KDM2B: variants seen among roughly 807,000 people sequenced by gnomAD.
KDM2B encodes lysine-specific demethylase 2B.
In KDM2B, 26 loss-of-function variants were observed where a neutral mutation model predicts 150.0. That is an observed-to-expected ratio of 0.17 (90% confidence interval 0.13 to 0.24). The LOEUF is 0.24. Among genes scored for constraint, KDM2B ranks in the 10% least tolerant of loss-of-function variants. KDM2B has a pLI of 1.00. For missense variants in KDM2B, 1,265 were observed against 1,816.9 expected (o/e 0.70, Z 5.52); for synonymous variants, 734 against 729.5 (o/e 1.01, Z -0.10).
Position 121,533,518 on chromosome 12 carries a change from G to T in KDM2B, c.778-559C>A, listed in dbSNP as rs567260905. Among the ~76,000 whole-genome samples, 9 of 152,142 alleles carry T rather than the reference G, an allele frequency of 5.9e-5. No homozygotes were observed. Among genetic ancestry groups the T allele is most frequent in the Non-Finnish European group, 8.8e-5 (6 of 68,028 alleles). ...GACACCCACATCCCCACGTGGACACGCAACAAAAGCAGACACAGGGAGCAC... is the reference window on the plus strand; with the variant it reads ...GACACCCACATCCCCACGTGGACACTCAACAAAAGCAGACACAGGGAGCAC... On this transcript the variant is annotated intron_variant, in intron 7 of 22. Coordinates refer to ENST00000377071, the MANE Select transcript of KDM2B (RefSeq NM_032590.5). The surrounding 1 kb of genome is among the most constrained non-coding windows in gnomAD (Gnocchi z 4.1).
At chr12:121,507,685 T>A (rs1885213918) in intron 11 of KDM2B, among the ~76,000 whole-genome samples, 2 of 151,996 alleles carry the variant, frequency 1.3e-5, no homozygotes, top group South Asian at 4.1e-4. Context: ...CACACAGAAA[T>A]AGATCACAGA....
the KDM2B span, chr12:121,420,551 G>C: frequency 6.2e-6 from 10 of 1,610,628 alleles, no homozygotes; most frequent in Non-Finnish European, 8.5e-6. Context: ...ATGGGACCAG[G>C]GCTAATGGAT....
intron 2 of KDM2B, among the ~76,000 whole-genome samples, chr12:121,577,199 G>A (rs1197147765): frequency 4.6e-5 from 7 of 151,968 alleles, no homozygotes; most frequent in Admixed American, 6.6e-5. Context: ...CTGGAATACC[G>A]GCCCTCTAGA....
chr12:121,516,473 A>G (rs1555305006), intron 9 of KDM2B: 1 of 1,344,430 alleles, frequency 7.4e-7, no homozygotes, highest in Non-Finnish European at 9.7e-7. Flanking sequence ...ACTTACAAAC[A>G]GGTTGTCGCC....
intron 6 of KDM2B, among the ~76,000 whole-genome samples, chr12:121,539,326 CAAAAAAA>C (rs60048517): frequency 9.9e-4 from 58 of 58,614 alleles, no homozygotes; most frequent in East Asian, 3.7e-3. Context: ...GACCCTCTCC[CAAAAAAA>C]AAAAAAAAAA....
intron 4 of KDM2B, among the ~76,000 whole-genome samples, chr12:121,572,822 ATTTT>A (rs33946368): frequency 3.0e-5 from 3 of 100,178 alleles, no homozygotes; most frequent in Non-Finnish European, 4.1e-5. Context: ...ACCTGGATAA[ATTTT>A]TTTTTTTTTT....
intron 11 of KDM2B, among the ~76,000 whole-genome samples, chr12:121,502,776 A>C (rs2140605984): frequency 6.9e-6 from 1 of 144,752 alleles, no homozygotes; most frequent in Non-Finnish European, 1.5e-5. Flanking sequence ...AAAAAAAAAA[A>C]AAAAAAAAAA....
chr12:121,546,635 C>T lies in KDM2B; in HGVS notation c.683+2242G>A, dbSNP rs1213940728. On this transcript the variant is annotated intron_variant, in intron 6 of 22. Transcript: ENST00000377071. ...AGCCAGGATGGTCTCGATCTCCTGA[C>T]CTCGTGATCTGCCCACCTCGGCCTC... is the stretch of plus-strand genomic sequence containing the variant. Among the ~76,000 whole-genome samples the T allele has an allele frequency of 2.0e-5, 3 of 151,468 alleles. No individual in the cohort carries two copies. The East Asian group carries it at 5.8e-4, about 29-fold the overall frequency.
chr12:121,580,552 G>T, intron 1 of KDM2B: 1 of 969,348 alleles, frequency 1.0e-6, no homozygotes, highest in Non-Finnish European at 1.4e-6. Context: ...GGCGGCGGGC[G>T]CATCCCGGAG....
chr12:121,488,387 T>C (rs746765814), intron 12 of KDM2B, among the ~76,000 whole-genome samples: 14 of 152,086 alleles, frequency 9.2e-5, no homozygotes, highest in Non-Finnish European at 1.8e-4. Context: ...CAAACACTGA[T>C]TGATGGCCCA....
At chr12:121,556,722 C>T (rs1555312794) in intron 4 of KDM2B, among the ~76,000 whole-genome samples, 3 of 151,804 alleles carry the variant, frequency 2.0e-5, no homozygotes, top group Non-Finnish European at 4.4e-5. Flanking sequence ...CCTGGTTATG[C>T]GCACCTGTAA....
rs782467559 is a variant in KDM2B, at chr12:121,521,081, G to A, written c.951C>T (p.Tyr317=). Reference sequence around the variant, plus strand: ...CGAACACCAAAGAGTCTACAGGGGTGTAGACGGCATGGATCCAACCTGGGG... The same window carrying A: ...CGAACACCAAAGAGTCTACAGGGGTATAGACGGCATGGATCCAACCTGGGG... ...FIPSGWIHAV[Y]TPVDSLVFGG... The change falls in exon 9 of 23, where the codon TAC becomes TAT. Residue 317 remains tyrosine, a synonymous_variant. Coordinates refer to ENST00000377071, the MANE Select transcript of KDM2B (RefSeq NM_032590.5). This position sits in a 1 kb window ranked among gnomAD's most constrained non-coding sequence, Gnocchi z 4.9. The A allele has an allele frequency of 6.8e-6, 11 of 1,613,670 alleles. No individual in the cohort carries two copies. The highest frequency in any genetic ancestry group is 5.1e-6 in the Non-Finnish European group (6 of 1,179,840).
chr12:121,474,060 G>A (rs1371613862), intron 12 of KDM2B, among the ~76,000 whole-genome samples: 3 of 152,290 alleles, frequency 2.0e-5, no homozygotes, highest in East Asian at 1.9e-4. Flanking sequence ...GCAGATTAGC[G>A]GTTGCCAGGG....
rs1284155801 is a variant in KDM2B at position 121,467,133 on chromosome 12, C to G, written c.1735-13789G>C. On this transcript the variant is annotated intron_variant, in intron 12 of 22. Transcript: ENST00000377071. The surrounding 1 kb of genome is among the most constrained non-coding windows in gnomAD (Gnocchi z 5.1). ...GGGAGGTCGTGCGGCGGGTCCCTCCCTCAGCCCCACCCCGGGCCGCCGACC... is the reference window on the plus strand; with the variant it reads ...GGGAGGTCGTGCGGCGGGTCCCTCCGTCAGCCCCACCCCGGGCCGCCGACC... 1.8e-6 allele frequency: 2 copies of G among 1,121,192 alleles called. No homozygotes were observed. Among genetic ancestry groups the G allele is most frequent in the African/African-American group, 1.7e-5 (1 of 59,018 alleles). 69.5% of individuals were successfully genotyped at this position (1,121,192 alleles called of 1,614,324 possible). A position where few individuals can be genotyped will look rare whatever the true frequency, so the allele number is the denominator to read the frequency against.
intron 11 of KDM2B, among the ~76,000 whole-genome samples, chr12:121,496,786 G>C (rs1555301105): frequency 6.6e-6 from 1 of 151,798 alleles, no homozygotes; most frequent in Admixed American, 6.6e-5. Flanking sequence ...GCCCCCCAAA[G>C]TGCTGGGATT....
At chr12:121,516,856 T>C in intron 9 of KDM2B, 1 of 643,368 alleles carries the variant, frequency 1.6e-6, no homozygotes, top group Non-Finnish European at 2.7e-6. Context: ...CTACAATTTG[T>C]TTTTCTCCTG....
rs1212414696 is a variant in KDM2B at position 121,558,838 on chromosome 12, A to G, written c.398-9200T>C. Among the ~76,000 whole-genome samples the G allele has an allele frequency of 7.2e-5, 11 of 151,886 alleles. 1 individual carries two copies. The South Asian group carries it at 1.0e-3, about 14-fold the overall frequency. ...ATTCCTGACCTCAAGTGATTTGCCC[A>G]CCTCAGCCTCTGAAAGTGCTGGGAT... On this transcript the variant is annotated intron_variant, in intron 4 of 22. Coordinates refer to ENST00000377071, the MANE Select transcript of KDM2B (RefSeq NM_032590.5).
At chr12:121,422,101 A>G in the KDM2B span, among the ~76,000 whole-genome samples, 1 of 152,212 alleles carries the variant, frequency 6.6e-6, no homozygotes. Flanking sequence ...AATAGCAACT[A>G]TGTACAGTGC....
At chr12:121,580,075 T>G (rs1555317667) in intron 1 of KDM2B, 1 of 1,593,438 alleles carries the variant, frequency 6.3e-7, no homozygotes, top group South Asian at 1.1e-5. Flanking sequence ...GTTCACCAAT[T>G]AATTGTCAAC....
Sources: gnomAD v4.1 joint callset for allele counts (sites outside exome capture counted in the v4.1 genomes callset) on GRCh38, gnomAD v4.1.1 for gene constraint, Gnocchi (gnomAD v3.1) non-coding constraint, MANE v1.5 for transcripts, NCBI Gene and HGNC (gene_info 2026-07-23, HGNC 2026-07-21) for gene names.